PPP6R3: variants seen among roughly 807,000 people sequenced by gnomAD.
The protein encoded by PPP6R3 is protein phosphatase 6 regulatory subunit 3, also known as serine/threonine-protein phosphatase 6 regulatory subunit 3.
PPP6R3 carries 38 observed loss-of-function variants against 110.7 expected under a neutral mutation model. The ratio of observed to expected loss-of-function variants is 0.34; its 90% CI spans 0.26 to 0.45. The LOEUF is 0.45. PPP6R3 is among the 20% of genes least tolerant of loss of function. The pLI is 1.00. For synonymous variants in PPP6R3, 369 were observed against 373.5 expected (o/e 0.99, Z 0.14); for missense variants, 870 against 1,062.4 (o/e 0.82, Z 2.52).
At chr11:68,517,393 C>T (rs573254387) in intron 1 of PPP6R3, among the ~76,000 whole-genome samples, 1 of 152,260 alleles carries the variant, frequency 6.6e-6, no homozygotes, top group South Asian at 2.1e-4. Flanking sequence ...GAGGAAGTGA[C>T]AGCCTCAGTA....
chr11:68,556,055 A>G (rs140806882), intron 7 of PPP6R3, among the ~76,000 whole-genome samples: 32 of 152,358 alleles, frequency 2.1e-4, no homozygotes, highest in Middle Eastern at 3.4e-3. Context: ...AATATGTAAT[A>G]TCTATTTGAT....
intron 11 of PPP6R3, among the ~76,000 whole-genome samples, chr11:68,570,474 A>C (rs1362776504): frequency 2.0e-5 from 3 of 152,232 alleles, no homozygotes; most frequent in African/African-American, 7.2e-5. Context: ...GGAACAGCCA[A>C]GTTGATGGGA....
At chr11:68,576,932 A>ACTCCCTGGAGGGCTGTGCCC (rs1458967595) in intron 14 of PPP6R3, among the ~76,000 whole-genome samples, 1 of 152,080 alleles carries the variant, frequency 6.6e-6, no homozygotes, top group Non-Finnish European at 1.5e-5. Context: ...CTCCTGTGTC[A>ACTCCCTGGAGGGCTGTGCCC]CTCCCTGGAG....
chr11:68,484,033 C>A (rs1591800195), intron 1 of PPP6R3, among the ~76,000 whole-genome samples: 1 of 152,170 alleles, frequency 6.6e-6, no homozygotes, highest in East Asian at 1.9e-4. Context: ...TTCTTCATGT[C>A]TTTTCATGGC....
Position 68,564,370 on chromosome 11 carries a change from G to C in PPP6R3, c.913G>C (p.Val305Leu). The C allele has an allele frequency of 6.2e-7, 1 of 1,613,448 alleles. No homozygotes were observed. The highest frequency in any genetic ancestry group is 1.1e-5 in the South Asian group (1 of 91,082). The change falls in exon 9 of 24, where the codon GTT becomes CTT. Residue 305 changes from valine to leucine, a missense_variant. Val to Leu is a conservative substitution (Grantham distance 32). Coordinates refer to ENST00000393800, the MANE Select transcript of PPP6R3 (RefSeq NM_001164161.2). The stretch of plus-strand genomic sequence containing the variant: ...TTCAGCTTGTTCAGTAAACAAGAGT[G>C]TTCTAGAAGCCATCAGAGGAAGACT... ...SHSACSVNKS[V>L]LEAIRGRLGS...
At chr11:68,490,506 C>T (rs1235868624) in intron 1 of PPP6R3, among the ~76,000 whole-genome samples, 1 of 151,952 alleles carries the variant, frequency 6.6e-6, no homozygotes, top group African/African-American at 2.4e-5. Flanking sequence ...TGCCTGACAA[C>T]AATTTGGAAA....
intron 1 of PPP6R3, among the ~76,000 whole-genome samples, chr11:68,490,926 C>T (rs1284069956): frequency 6.6e-6 from 1 of 152,148 alleles, no homozygotes; most frequent in Non-Finnish European, 1.5e-5. Context: ...CCGGGCATGG[C>T]CTGTAATCTT....
chr11:68,611,841 C>T (rs990948528), intron 23 of PPP6R3, among the ~76,000 whole-genome samples: 16 of 152,216 alleles, frequency 1.1e-4, no homozygotes, highest in African/African-American at 3.6e-4. Context: ...TTGAAGCTCA[C>T]CCGTCTTTCC....
intron 22 of PPP6R3, among the ~76,000 whole-genome samples, chr11:68,607,796 C>T (rs1159458891): frequency 2.7e-5 from 4 of 150,288 alleles, no homozygotes; most frequent in Non-Finnish European, 5.9e-5. Flanking sequence ...TTTTTTAACA[C>T]GAGGTCTCGC....
At chr11:68,602,342 T>G (rs1237079975) in intron 21 of PPP6R3, among the ~76,000 whole-genome samples, 1 of 152,208 alleles carries the variant, frequency 6.6e-6, no homozygotes, top group Admixed American at 6.5e-5. Flanking sequence ...TGGGTTTGTT[T>G]AGAGCTATGG....
chr11:68,600,425 G>A lies in PPP6R3; in HGVS notation c.2123G>A (p.Ser708Asn). 6.2e-7 allele frequency: 1 copy of A among 1,614,168 alleles called. No individual in the cohort carries two copies. Among genetic ancestry groups the A allele is most frequent in the Non-Finnish European group, 8.5e-7 (1 of 1,180,026 alleles). The change falls in exon 20 of 24, where the codon AGC becomes AAC. Residue 708 changes from serine (S) to asparagine (N), a missense_variant. By Grantham distance (46) the Ser-to-Asn change is conservative. Transcript: ENST00000393800. ...PLDSVGSDVW[S>N]TEEPMPTKET... ...GATTCTGTGGGATCTGATGTCTGGA[G>A]CACAGAGGAGCCGATGCCAACTAAA... is the stretch of plus-strand genomic sequence containing the variant.
At chr11:68,499,396 T>G (rs1015448266) in intron 1 of PPP6R3, among the ~76,000 whole-genome samples, 18 of 152,296 alleles carry the variant, frequency 1.2e-4, no homozygotes, top group African/African-American at 4.3e-4. Flanking sequence ...TCACATCGGC[T>G]TTTGCCAGGG....
In PPP6R3 at chr11:68,591,621, C is replaced by T; in HGVS notation, c.1831C>T (p.Gln611Ter). ...FEACCKERIQ[Q>*]FDDGGSDEED... ...AGCATGTTGTAAGGAAAGAATACAACAGTTTGATGATGGTGGCTCTGATGA... is the reference window on the plus strand; with the variant it reads ...AGCATGTTGTAAGGAAAGAATACAATAGTTTGATGATGGTGGCTCTGATGA... Residue 611 changes from glutamine (Q) to a stop codon, truncating the protein, a stop_gained, in exon 18 of 24, where the codon CAG becomes TAG. Transcript: ENST00000393800. LOFTEE classifies it high-confidence loss of function. The T allele has an allele frequency of 6.2e-7, 1 of 1,612,402 alleles. No homozygotes were observed. The highest frequency in any genetic ancestry group is 8.5e-7 in the Non-Finnish European group (1 of 1,179,240).
intron 1 of PPP6R3, among the ~76,000 whole-genome samples, chr11:68,494,865 T>A (rs1250035405): frequency 6.6e-6 from 1 of 152,156 alleles, no homozygotes; most frequent in African/African-American, 2.4e-5. Flanking sequence ...TAAAAACAAA[T>A]TTTATGTTTG....
At chr11:68,557,502 C>CTTTTCTTTTTCTTTT (rs1459304691) in intron 7 of PPP6R3, among the ~76,000 whole-genome samples, 1 of 148,830 alleles carries the variant, frequency 6.7e-6, no homozygotes, top group Non-Finnish European at 1.5e-5. Context: ...ATTTCTTTTT[C>CTTTTCTTTTTCTTTT]TTTTCTTTTT....
chr11:68,550,833 G>A (rs1271002063), intron 5 of PPP6R3, among the ~76,000 whole-genome samples: 6 of 152,094 alleles, frequency 3.9e-5, no homozygotes, highest in African/African-American at 1.4e-4. Context: ...AACCCTTTTA[G>A]TCCTAAATGT....
At chr11:68,560,252 A>AT (rs2099414158) in intron 8 of PPP6R3, among the ~76,000 whole-genome samples, 1 of 152,226 alleles carries the variant, frequency 6.6e-6, no homozygotes, top group Non-Finnish European at 1.5e-5. Flanking sequence ...ATAATACAGA[A>AT]TATCAGTGAA....
chr11:68,508,841 TGTGACAGGGTTAGGTTG>T (rs2099093026), intron 1 of PPP6R3, among the ~76,000 whole-genome samples: 3 of 151,778 alleles, frequency 2.0e-5, no homozygotes, highest in South Asian at 4.2e-4. Flanking sequence ...GGTTAGGTTG[TGTGACAGGGTTAGGTTG>T]TATGACTGTT....
At chr11:68,503,454 AGAAG>A (rs1216503193) in intron 1 of PPP6R3, among the ~76,000 whole-genome samples, 3 of 152,178 alleles carry the variant, frequency 2.0e-5, no homozygotes, top group Non-Finnish European at 4.4e-5. Flanking sequence ...GTGGGACAGA[AGAAG>A]GAAGGAAGGA....
Sources: allele counts gnomAD v4.1 joint callset (sites outside exome capture counted in the v4.1 genomes callset), GRCh38; gene constraint gnomAD v4.1.1; transcripts MANE v1.5; gene names NCBI Gene and HGNC (gene_info 2026-07-23, HGNC 2026-07-21).